COA1: variants seen among roughly 807,000 people sequenced by gnomAD.
The protein encoded by COA1 is cytochrome c oxidase assembly factor 1 homolog.
COA1 carries 13 observed loss-of-function variants against 16.0 expected under a neutral mutation model. The ratio of observed to expected loss-of-function variants is 0.81; its 90% CI spans 0.53 to 1.29. The LOEUF is 1.29. Ranked by LOEUF, COA1 falls within the 50% of genes most tolerant of loss-of-function variation. The probability of loss-of-function intolerance (pLI) is 0.00; values close to 1 mark genes in which losing one functional copy is unlikely to be tolerated. For synonymous variants in COA1, 65 were observed against 65.7 expected (o/e 0.99, Z 0.05); for missense variants, 179 against 177.0 (o/e 1.01, Z -0.06).
At chr7:43,635,697 C>G (rs577963877), downstream of COA1, among the ~76,000 whole-genome samples, 1 of 152,286 alleles carries the variant, frequency 6.6e-6, no homozygotes, top group East Asian at 1.9e-4. Flanking sequence ...CAATATACCA[C>G]TACATATCAC....
At chr7:43,694,289 ATCT>A (rs1277950111) in intron 1 of COA1, among the ~76,000 whole-genome samples, 1 of 150,828 alleles carries the variant, frequency 6.6e-6, no homozygotes, top group African/African-American at 2.4e-5. Context: ...TTAATCCCAT[ATCT>A]TCCTTCAGCA....
chr7:43,646,984 T>C (rs2089501523), intron 3 of COA1: 2 of 178,102 alleles, frequency 1.1e-5, no homozygotes, highest in Non-Finnish European at 2.4e-5. Context: ...CTGACAGTAA[T>C]TGTGGCCTGT....
At chr7:43,636,904 T>C (rs1282694549), downstream of COA1, among the ~76,000 whole-genome samples, 1 of 152,196 alleles carries the variant, frequency 6.6e-6, no homozygotes, top group East Asian at 1.9e-4. Context: ...CCACAAATTG[T>C]ATGCAAAATG....
In COA1 at chr7:43,647,429, C is replaced by T. The variant is rs759208970; in HGVS notation, c.115+106G>A. The stretch of plus-strand genomic sequence containing the variant: ...GGACTAGCCTTTAAAATCACCCTCT[C>T]CTCCTTTCTCTAATCTAAACAAAGC... On this transcript the variant is annotated intron_variant, in intron 3 of 5. Transcript: ENST00000223336. 3 of 832,122 alleles carry T rather than the reference C, an allele frequency of 3.6e-6. No individual in the cohort carries two copies. The Admixed American group carries it at 5.7e-5, about 16-fold the overall frequency. The allele number at this position is 832,122 out of a possible 1,614,324, so 51.5% of individuals were successfully genotyped here. A position where few individuals can be genotyped will look rare whatever the true frequency, so the allele number is the denominator to read the frequency against.
At chr7:43,704,283 T>C (rs2131496342) in intron 1 of COA1, among the ~76,000 whole-genome samples, 1 of 152,322 alleles carries the variant, frequency 6.6e-6, no homozygotes, top group African/African-American at 2.4e-5. Context: ...GGTGACTATG[T>C]GTCTTGGGGA....
intron 1 of COA1, among the ~76,000 whole-genome samples, chr7:43,725,786 G>A (rs868028091): frequency 2.0e-5 from 3 of 151,872 alleles, no homozygotes; most frequent in South Asian, 4.1e-4. Context: ...TTGAACCCAG[G>A]AGGCGGAGGT....
intron 6 of COA1, among the ~76,000 whole-genome samples, chr7:43,629,033 TG>T (rs1372344565): frequency 6.6e-6 from 1 of 152,226 alleles, no homozygotes; most frequent in African/African-American, 2.4e-5. Flanking sequence ...TATTTTTATA[TG>T]CCATAAAGTA....
intron 1 of COA1, among the ~76,000 whole-genome samples, chr7:43,706,021 T>C (rs2094958918): frequency 6.6e-6 from 1 of 152,156 alleles, no homozygotes; most frequent in Admixed American, 6.5e-5. Context: ...TGTGCTGGCC[T>C]ACTTGATGGC....
chr7:43,614,063 C>G (rs991489260), intron 6 of COA1, among the ~76,000 whole-genome samples: 1 of 152,112 alleles, frequency 6.6e-6, no homozygotes, highest in African/African-American at 2.4e-5. Context: ...TATACTAGAA[C>G]TTTAATTGTC....
chr7:43,641,996 A>G (rs10260914), intron 4 of COA1: 22,337 of 152,036 alleles, frequency 0.15, 2,196 homozygotes, highest in Non-Finnish European at 0.21. Context: ...AGGGGAGGGA[A>G]TTGGGGCGGG....
At chr7:43,698,323 C>G (rs972167892) in intron 1 of COA1, among the ~76,000 whole-genome samples, 1 of 152,176 alleles carries the variant, frequency 6.6e-6, no homozygotes, top group Admixed American at 6.5e-5. Context: ...TGCTAACCAA[C>G]TTGTTCTTAC....
intron 1 of COA1, among the ~76,000 whole-genome samples, chr7:43,670,654 G>A (rs1299352038): frequency 2.0e-5 from 3 of 152,162 alleles, no homozygotes; most frequent in Admixed American, 2.0e-4. Context: ...GGCAGGAAGA[G>A]CTAAATGCAC....
At chr7:43,691,325 GAAAGAGAA>G (rs2094308540) in intron 1 of COA1, among the ~76,000 whole-genome samples, 2 of 96,424 alleles carry the variant, frequency 2.1e-5, no homozygotes, top group Non-Finnish European at 4.2e-5. Flanking sequence ...AAGAAAGAAA[GAAAGAGAA>G]AGAGAGAGAG....
At chr7:43,610,909 G>C (rs1336956898) in intron 6 of COA1, among the ~76,000 whole-genome samples, 1 of 152,166 alleles carries the variant, frequency 6.6e-6, no homozygotes, top group Admixed American at 6.5e-5. Flanking sequence ...TTGAGGTCAG[G>C]AGTTTGAGAC....
At chr7:43,619,654 T>G (rs1163289455) in intron 6 of COA1, 1 of 1,614,138 alleles carries the variant, frequency 6.2e-7, no homozygotes. Context: ...GATTGTTGAT[T>G]TTGGCCTTTC....
At chr7:43,645,456 T>G in intron 3 of COA1, 57 bp from the exon 4 acceptor site, 2 of 1,493,510 alleles carry the variant, frequency 1.3e-6, no homozygotes, top group Non-Finnish European at 9.3e-7. Flanking sequence ...TAGAATCTAC[T>G]ACACAGAAAA....
chr7:43,640,434 G>A (rs1434806911), intron 5 of COA1, 139 bp downstream of exon 5: 7 of 701,588 alleles, frequency 1.0e-5, no homozygotes, highest in Middle Eastern at 2.5e-4. Context: ...CCCAGGCCAC[G>A]AAGCTTTCAG....
chr7:43,715,504 T>A (rs896433462), intron 1 of COA1, among the ~76,000 whole-genome samples: 8 of 152,012 alleles, frequency 5.3e-5, no homozygotes, highest in Admixed American at 2.6e-4. Flanking sequence ...AGTATGTTGC[T>A]TCATATAAGC....
chr7:43,642,561 C>G (rs1242619210), intron 4 of COA1, among the ~76,000 whole-genome samples: 8 of 152,218 alleles, frequency 5.3e-5, no homozygotes, highest in Admixed American at 3.9e-4. Context: ...CTGAGCATCT[C>G]TGGATGCTTT....
Sources: allele counts gnomAD v4.1 joint callset (sites outside exome capture counted in the v4.1 genomes callset), GRCh38; gene constraint gnomAD v4.1.1; transcripts MANE v1.5; gene names NCBI Gene and HGNC (gene_info 2026-07-23, HGNC 2026-07-21).